ABCA10: variants seen among roughly 807,000 people sequenced by gnomAD.
ABCA10 encodes ATP binding cassette subfamily A member 10, also known as ATP-binding cassette sub-family A member 10.
In ABCA10, 169 loss-of-function variants were observed where a neutral mutation model predicts 187.5. The observed-to-expected ratio is 0.90, with a 90% CI of 0.80 to 1.02. The LOEUF is 1.02. Ranked by LOEUF, ABCA10 falls within the 50% of genes least tolerant of loss-of-function variation. ABCA10 has a pLI of 0.00. For synonymous variants in ABCA10, 574 were observed against 601.8 expected, an observed-to-expected ratio of 0.95 and a Z score of 0.68; for missense variants, 1,727 against 1,812.4, an observed-to-expected ratio of 0.95 and a Z score of 0.86.
At chr17:69,199,163 G>A (rs56872562) in intron 10 of ABCA10, among the ~76,000 whole-genome samples, 1 of 152,094 alleles carries the variant, frequency 6.6e-6, no homozygotes, top group Non-Finnish European at 1.5e-5. Context: ...TCTTTCATAA[G>A]ACTCACCTTA....
At chr17:69,196,910 G>A (rs948776846) in intron 11 of ABCA10, among the ~76,000 whole-genome samples, 154 bp downstream of exon 11, 1 of 152,018 alleles carries the variant, frequency 6.6e-6, no homozygotes, top group Non-Finnish European at 1.5e-5. Context: ...GCACTCGGCA[G>A]GCACTCGGCA....
At chr17:69,193,023 T>C in intron 15 of ABCA10, 87 bp downstream of exon 15, 2 of 1,492,152 alleles carry the variant, frequency 1.3e-6, no homozygotes, top group Admixed American at 2.3e-5. Flanking sequence ...GCAAACAAGA[T>C]TTTCTTCTTT....
intron 27 of ABCA10, among the ~76,000 whole-genome samples, chr17:69,161,247 G>C (rs2074215643): frequency 6.6e-6 from 1 of 152,024 alleles, no homozygotes; most frequent in African/African-American, 2.4e-5. Flanking sequence ...TACCGGTTTG[G>C]GCAAAGGGGA....
intron 1 of ABCA10, among the ~76,000 whole-genome samples, chr17:69,237,200 GA>G (rs1178240400): frequency 6.6e-6 from 1 of 152,120 alleles, no homozygotes; most frequent in Non-Finnish European, 1.5e-5. Context: ...GTCTCTTTTG[GA>G]ATTTATTGGC....
intron 13 of ABCA10, 53 bp from the exon 14 acceptor site, chr17:69,193,665 T>C: frequency 6.4e-7 from 1 of 1,552,298 alleles, no homozygotes; most frequent in Non-Finnish European, 8.7e-7. Flanking sequence ...TTTAAGGAGT[T>C]TTTACTCTCT....
chr17:69,199,546 CA>C (rs1301245868), intron 10 of ABCA10, among the ~76,000 whole-genome samples: 5 of 152,270 alleles, frequency 3.3e-5, no homozygotes, highest in Admixed American at 6.5e-5. Context: ...CAGGTTTAGA[CA>C]GGCTAGAACT....
chr17:69,164,756 G>A (rs901030800), intron 26 of ABCA10, among the ~76,000 whole-genome samples: 2 of 152,116 alleles, frequency 1.3e-5, no homozygotes, highest in African/African-American at 4.8e-5. Flanking sequence ...TTTCTGCATG[G>A]ATTGACCCTC....
intron 8 of ABCA10, 155 bp downstream of exon 8, chr17:69,215,660 T>TA (rs2074697963): frequency 1.4e-6 from 1 of 690,354 alleles, no homozygotes. Context: ...ATCCATTTGA[T>TA]AAAACTTTTT....
At position 69,215,900 on chromosome 17, in the gene ABCA10, G is replaced by A. The variant is rs764457387; in HGVS notation, c.773C>T (p.Thr258Ile). The change falls in exon 8 of 39, where the codon ACT (threonine) becomes ATT (isoleucine). Residue 258 changes from threonine (T) to isoleucine (I), a missense_variant. Transcript: ENST00000690296. Reference protein sequence around the residue: ...FTVFWGCLGFTVLYRQLPLSL... With the variant: ...FTVFWGCLGFIVLYRQLPLSL... ...TAAAGGAAGTTGTCTATATAACACA[G>A]TGAATCCCAGACATCCCCAAAATAC... 4 of 1,613,836 alleles carry A rather than the reference G, an allele frequency of 2.5e-6. No homozygotes were observed. The African/African-American group carries it at 5.3e-5, about 22-fold the overall frequency.
Position 69,174,659 on chromosome 17 carries a change from T to C in ABCA10, c.2996A>G (p.Tyr999Cys). 1 of 1,611,538 alleles carries C rather than the reference T, an allele frequency of 6.2e-7. No homozygotes were observed. The highest frequency in any genetic ancestry group is 8.5e-7 in the Non-Finnish European group (1 of 1,178,710). ...CTGGAATCCCAGAAATATGAAGTAG[T>C]AAATTAAATGTATTGAAAAGAGAAT... ...FLILFSIHLI[Y>C]YFIFLGFQLS... Residue 999 changes from tyrosine (Y) to cysteine (C), a missense_variant, in exon 24 of 39, where the codon TAC becomes TGC. By Grantham distance (194) the Tyr-to-Cys change is radical. Transcript: ENST00000690296.
chr17:69,213,397 C>T (rs1314431719), intron 9 of ABCA10, among the ~76,000 whole-genome samples: 6 of 89,858 alleles, frequency 6.7e-5, no homozygotes, highest in South Asian at 3.6e-4. Context: ...CCACTGTGGG[C>T]GACAGGTTTG....
intron 22 of ABCA10, among the ~76,000 whole-genome samples, chr17:69,177,973 A>ATATATATATATATATATGTTAT (rs68149070): frequency 4.0e-4 from 20 of 49,984 alleles, no homozygotes; most frequent in African/African-American, 6.1e-4. Context: ...AAAAAAAAAA[A>ATATATATATATATATATGTTAT]ATATATATAT....
At chr17:69,211,346 T>TATG (rs1555663026) in intron 9 of ABCA10, among the ~76,000 whole-genome samples, 2 of 27,734 alleles carry the variant, frequency 7.2e-5, no homozygotes, top group Non-Finnish European at 1.6e-4. Flanking sequence ...TATATATATA[T>TATG]ATATATATAT....
chr17:69,221,926 T>C, intron 4 of ABCA10, 31 bp from the exon 5 acceptor site: 3 of 1,507,418 alleles, frequency 2.0e-6, no homozygotes, highest in Non-Finnish European at 2.7e-6. Flanking sequence ...ATGTCCATAG[T>C]TATATAATGG....
intron 1 of ABCA10, among the ~76,000 whole-genome samples, chr17:69,238,192 A>G (rs1251382213): frequency 2.0e-5 from 3 of 152,052 alleles, no homozygotes; most frequent in Middle Eastern, 3.4e-3. Flanking sequence ...AGCAACTACC[A>G]GAAGCTAGAA....
chr17:69,186,235 G>A (rs1210767937), intron 19 of ABCA10, among the ~76,000 whole-genome samples: 1 of 151,562 alleles, frequency 6.6e-6, no homozygotes, highest in Non-Finnish European at 1.5e-5. Flanking sequence ...TTTCCCATCA[G>A]ACTTCATACT....
intron 2 of ABCA10, 32 bp downstream of exon 2, chr17:69,227,113 G>GTATATATATATATATATATA (rs2074799969): frequency 1.3e-5 from 1 of 75,310 alleles, no homozygotes; most frequent in African/African-American, 3.7e-5. Flanking sequence ...TATTAATTAT[G>GTATATATATATATATATATA]GATATATATA....
At chr17:69,188,836 C>T (rs1466373853) in intron 18 of ABCA10, among the ~76,000 whole-genome samples, 1 of 152,068 alleles carries the variant, frequency 6.6e-6, no homozygotes, top group East Asian at 1.9e-4. Flanking sequence ...TGGCTTCCAG[C>T]TTACTCCATG....
At chr17:69,212,903 T>G (rs941720618) in intron 9 of ABCA10, among the ~76,000 whole-genome samples, 1 of 152,238 alleles carries the variant, frequency 6.6e-6, no homozygotes, top group East Asian at 1.9e-4. Flanking sequence ...TTATTCATTC[T>G]GCTATTCTGT....
Sources: allele counts gnomAD v4.1 joint callset (sites outside exome capture counted in the v4.1 genomes callset), GRCh38; gene constraint gnomAD v4.1.1; transcripts MANE v1.5; gene names NCBI Gene and HGNC (gene_info 2026-07-23, HGNC 2026-07-21).